The following SLC9C1 variants were observed in gnomAD, a reference collection of about 807,000 sequenced individuals.
SLC9C1 encodes the protein solute carrier family 9 member C1.
Under a neutral mutation model 140.9 loss-of-function variants are expected in SLC9C1, and 97 were observed. That is an observed-to-expected ratio of 0.69 (90% CI 0.58 to 0.82). The LOEUF (loss-of-function observed/expected upper bound fraction) is 0.82, where lower values mean the gene tolerates loss of function less well. Ranked by LOEUF, SLC9C1 falls within the 40% of genes least tolerant of loss-of-function variation. The pLI is 0.00. For synonymous variants in SLC9C1, 440 were observed against 442.6 expected (o/e 0.99, Z 0.07); for missense variants, 1,340 against 1,389.3 (o/e 0.96, Z 0.56).
chr3:112,200,111 A>C (rs1413334886), intron 19 of SLC9C1, among the ~76,000 whole-genome samples: 2 of 152,056 alleles, frequency 1.3e-5, no homozygotes, highest in Non-Finnish European at 2.9e-5. Context: ...TTTGTAGCTC[A>C]CCACATGGTA....
intron 13 of SLC9C1, among the ~76,000 whole-genome samples, chr3:112,223,113 A>G (rs1412644722): frequency 6.6e-6 from 1 of 152,178 alleles, no homozygotes; most frequent in Non-Finnish European, 1.5e-5. Context: ...AAACATATCT[A>G]TAAAAGGCTT....
chr3:112,213,061 TAAAGA>T (rs903370438), intron 15 of SLC9C1, among the ~76,000 whole-genome samples: 3 of 152,152 alleles, frequency 2.0e-5, no homozygotes, highest in Admixed American at 2.0e-4. Flanking sequence ...TCAACATTCT[TAAAGA>T]AAAGAATTTT....
At chr3:112,271,190 G>A (rs539387875) in intron 6 of SLC9C1, among the ~76,000 whole-genome samples, 1 of 151,982 alleles carries the variant, frequency 6.6e-6, no homozygotes, top group African/African-American at 2.4e-5. Flanking sequence ...AAGAGAATAG[G>A]GAATTGTTGA....
intron 20 of SLC9C1, among the ~76,000 whole-genome samples, chr3:112,194,225 G>A (rs998019105): frequency 1.3e-5 from 2 of 152,150 alleles, no homozygotes; most frequent in African/African-American, 4.8e-5. Context: ...GAGGACTGCA[G>A]GTGCTTGTGG....
chr3:112,249,817 G>A (rs1029396693), intron 10 of SLC9C1, among the ~76,000 whole-genome samples: 1 of 151,930 alleles, frequency 6.6e-6, no homozygotes, highest in Non-Finnish European at 1.5e-5. Context: ...TGTTTATTTG[G>A]ATAATCTCTT....
intron 16 of SLC9C1, 102 bp downstream of exon 16, chr3:112,208,076 A>C: frequency 1.1e-6 from 1 of 930,978 alleles, no homozygotes; most frequent in Non-Finnish European, 1.5e-6. Flanking sequence ...AAATTCATAC[A>C]CTCCTTCAGA....
chr3:112,160,256 ATTTT>A (rs1355109956), intron 26 of SLC9C1, among the ~76,000 whole-genome samples: 1 of 148,218 alleles, frequency 6.7e-6, no homozygotes, highest in African/African-American at 2.5e-5. Context: ...TTATTTATTT[ATTTT>A]TTTAAGTTTT....
intron 15 of SLC9C1, among the ~76,000 whole-genome samples, chr3:112,217,008 T>C (rs1576366307): frequency 6.6e-6 from 1 of 152,240 alleles, no homozygotes; most frequent in Admixed American, 6.5e-5. Flanking sequence ...ATATACACCG[T>C]GGAATACTAT....
intron 7 of SLC9C1, among the ~76,000 whole-genome samples, chr3:112,267,144 T>C (rs2079940000): frequency 6.6e-6 from 1 of 152,134 alleles, no homozygotes; most frequent in African/African-American, 2.4e-5. Flanking sequence ...CTTGGCTTGC[T>C]GGCACATGCC....
Position 112,244,085 on chromosome 3 carries a change from G to T in SLC9C1, c.1198-9C>A. On this transcript the variant is annotated splice_polypyrimidine_tract_variant and intron_variant, in intron 10 of 28. Transcript: ENST00000305815. Reference sequence around the variant, plus strand: ...ACTCCATGAAATAATATCTAGAATTGAAAAAAATACAAAGTAAGTATTCAT... The same window carrying T: ...ACTCCATGAAATAATATCTAGAATTTAAAAAAATACAAAGTAAGTATTCAT... 1 of 1,532,256 alleles carries T rather than the reference G, an allele frequency of 6.5e-7. No individual in the cohort carries two copies. The highest frequency in any genetic ancestry group is 8.9e-7 in the Non-Finnish European group (1 of 1,121,360). The allele number at this position is 1,532,256 out of a possible 1,614,324, so 94.9% of individuals were successfully genotyped here. A position where few individuals can be genotyped will look rare whatever the true frequency, so the allele number is the denominator to read the frequency against.
chr3:112,276,875 C>T (rs1454411475), intron 5 of SLC9C1, among the ~76,000 whole-genome samples: 2 of 152,008 alleles, frequency 1.3e-5, no homozygotes, highest in Admixed American at 6.6e-5. Context: ...GTCTTGAAGG[C>T]TCAGCTCTCA....
rs1426185019 is a variant in SLC9C1 at position 112,239,592 on chromosome 3, GGAAC to G, written c.1446+244_1446+247del. ...GGAGCTGTTCCTATTTGGCCATCTT[GGAAC>G]CATGCCCCCAAAACATATATTTTAA... On this transcript the variant is annotated intron_variant, in intron 12 of 28. Coordinates refer to ENST00000305815, the MANE Select transcript of SLC9C1 (RefSeq NM_183061.3). Among the ~76,000 whole-genome samples the G allele has an allele frequency of 9.4e-4, 143 of 152,202 alleles. 1 individual carries two copies. In the East Asian group the frequency reaches 0.026, roughly 28 times the overall value.
In SLC9C1 at chr3:112,155,668, G is replaced by A. The variant is rs191774392; in HGVS notation, c.3365-619C>T. Reference sequence around the variant, plus strand: ...GGAAAAATGAACAATATGGGGAAACGCTCAGGAATGGGAGGCCACCAGGTC... The same window carrying A: ...GGAAAAATGAACAATATGGGGAAACACTCAGGAATGGGAGGCCACCAGGTC... On this transcript the variant is annotated intron_variant, in intron 26 of 28. Transcript: ENST00000305815. Among the ~76,000 whole-genome samples, 550 of 152,144 alleles carry A rather than the reference G, an allele frequency of 3.6e-3. 13 individuals carry two copies. Among genetic ancestry groups the A allele is most frequent in the Admixed American group, 0.033 (499 of 15,262 alleles).
chr3:112,177,540 C>T (rs1375033867), intron 23 of SLC9C1, among the ~76,000 whole-genome samples: 2 of 149,676 alleles, frequency 1.3e-5, no homozygotes, highest in African/African-American at 4.9e-5. Flanking sequence ...TCGCCATCTT[C>T]TGCTTGGATT....
intron 11 of SLC9C1, 133 bp from the exon 12 acceptor site, chr3:112,240,139 G>A (rs2079101981): frequency 1.2e-6 from 1 of 822,806 alleles, no homozygotes; most frequent in Non-Finnish European, 1.8e-6. Context: ...GTTTAATAAT[G>A]GGAATACTAA....
intron 26 of SLC9C1, 115 bp from the exon 27 acceptor site, chr3:112,155,164 G>T: frequency 1.3e-6 from 1 of 755,460 alleles, no homozygotes; most frequent in South Asian, 2.8e-5. Context: ...CCTGTGATCT[G>T]AAATTGGTGG....
chr3:112,198,001 T>C (rs2108020009), intron 20 of SLC9C1, among the ~76,000 whole-genome samples: 1 of 152,212 alleles, frequency 6.6e-6, no homozygotes, highest in South Asian at 2.1e-4. Flanking sequence ...ACATGTTGTT[T>C]GTAGTTGTTT....
chr3:112,154,445 T>C (rs2075072261), intron 27 of SLC9C1, among the ~76,000 whole-genome samples: 1 of 152,236 alleles, frequency 6.6e-6, no homozygotes, highest in Admixed American at 6.5e-5. Context: ...CTCAAGATTT[T>C]GAGGATCTCA....
chr3:112,185,195 G>A (rs2077509518), intron 20 of SLC9C1, among the ~76,000 whole-genome samples: 1 of 151,968 alleles, frequency 6.6e-6, no homozygotes, highest in African/African-American at 2.4e-5. Flanking sequence ...CTTATATAAG[G>A]AGATAGAGGC....
Sources: allele counts gnomAD v4.1 joint callset (sites outside exome capture counted in the v4.1 genomes callset), GRCh38; gene constraint gnomAD v4.1.1; transcripts MANE v1.5; gene names NCBI Gene and HGNC (gene_info 2026-07-23, HGNC 2026-07-21).